ANKRD31: variants seen among roughly 807,000 people sequenced by gnomAD.
The protein encoded by ANKRD31 is ankyrin repeat domain 31, also known as ankyrin repeat domain-containing protein 31.
Under a neutral mutation model 186.0 loss-of-function variants are expected in ANKRD31, and 147 were observed. That is an observed-to-expected ratio of 0.79 (90% CI 0.69 to 0.91). The LOEUF is 0.91. Ranked by LOEUF, ANKRD31 falls within the 40% of genes least tolerant of loss-of-function variation. The probability of loss-of-function intolerance (pLI) is 0.00; values close to 1 mark genes in which losing one functional copy is unlikely to be tolerated. For synonymous variants in ANKRD31, 673 were observed against 736.4 expected, an observed-to-expected ratio of 0.91 and a Z score of 1.39; for missense variants, 1,986 against 2,148.8, an observed-to-expected ratio of 0.92 and a Z score of 1.50.
At chr5:75,095,830 T>C (rs1380698034) in intron 22 of ANKRD31, among the ~76,000 whole-genome samples, 1 of 152,164 alleles carries the variant, frequency 6.6e-6, no homozygotes, top group Non-Finnish European at 1.5e-5. Context: ...AAAAACAGTA[T>C]ATACAGGGTT....
At chr5:75,137,699 A>G (rs962328298) in intron 17 of ANKRD31, among the ~76,000 whole-genome samples, 157 bp downstream of exon 17, 6 of 152,164 alleles carry the variant, frequency 3.9e-5, no homozygotes, top group African/African-American at 1.4e-4. Flanking sequence ...TTTCTAATCC[A>G]TATATATTAT....
intron 25 of ANKRD31, 68 bp downstream of exon 25, chr5:75,080,500 T>C (rs1326160587): frequency 3.7e-6 from 4 of 1,086,914 alleles, no homozygotes; most frequent in Non-Finnish European, 5.2e-6. Context: ...TTTGATCTAT[T>C]TGCACAATAT....
chr5:75,085,252 A>G (rs1296727926), intron 23 of ANKRD31, among the ~76,000 whole-genome samples: 1 of 152,210 alleles, frequency 6.6e-6, no homozygotes, highest in Non-Finnish European at 1.5e-5. Context: ...TGTTTCTATT[A>G]AACCATAAGC....
chr5:75,068,962 G>A (rs1462596943), intron 25 of ANKRD31, among the ~76,000 whole-genome samples: 1 of 152,084 alleles, frequency 6.6e-6, no homozygotes, highest in Non-Finnish European at 1.5e-5. Flanking sequence ...TCCAATAAAC[G>A]GAGAATAAAA....
At chr5:75,112,135 G>A (rs1747837812) in intron 20 of ANKRD31, among the ~76,000 whole-genome samples, 1 of 151,944 alleles carries the variant, frequency 6.6e-6, no homozygotes. Context: ...CTGTCACCCA[G>A]GCTAGAGTGC....
intron 23 of ANKRD31, among the ~76,000 whole-genome samples, chr5:75,088,322 G>C (rs900216934): frequency 1.3e-5 from 2 of 152,218 alleles, no homozygotes; most frequent in Admixed American, 6.5e-5. Context: ...TGGAAATTCA[G>C]GGAGGCATCC....
intron 24 of ANKRD31, among the ~76,000 whole-genome samples, chr5:75,081,700 C>A (rs868537059): frequency 7.3e-6 from 1 of 137,006 alleles, no homozygotes; most frequent in Non-Finnish European, 1.6e-5. Flanking sequence ...GAGAGAGAGA[C>A]AGAGAGAGAG....
At chr5:75,207,560 G>A (rs1057097673) in intron 4 of ANKRD31, among the ~76,000 whole-genome samples, 5 of 151,846 alleles carry the variant, frequency 3.3e-5, no homozygotes, top group African/African-American at 1.2e-4. Context: ...AATACAATAA[G>A]GTATTATAAG....
At chr5:75,155,647 A>G (rs1752115821) in intron 11 of ANKRD31, among the ~76,000 whole-genome samples, 1 of 152,174 alleles carries the variant, frequency 6.6e-6, no homozygotes, top group Non-Finnish European at 1.5e-5. Flanking sequence ...GCTTTAAGTA[A>G]CATTATACTA....
rs150522784 is a variant in ANKRD31 at position 75,226,579 on chromosome 5, TA to T, written c.178+3982del. On this transcript the variant is annotated intron_variant, in intron 2 of 25. Transcript: ENST00000506364. The stretch of plus-strand genomic sequence containing the variant: ...GAACAACTTTATAGGAAAAAAAATA[TA>T]ATAATCAGATTTTAAAATGGGCAAA... Among the ~76,000 whole-genome samples, 367 of 152,238 alleles carry T rather than the reference TA, an allele frequency of 2.4e-3. 9 individuals are homozygous for T. In the East Asian group the frequency reaches 0.062, roughly 26 times the overall value.
chr5:75,081,728 G>A (rs1458402903), intron 24 of ANKRD31, among the ~76,000 whole-genome samples: 1 of 151,748 alleles, frequency 6.6e-6, no homozygotes, highest in Non-Finnish European at 1.5e-5. Context: ...CAGAGAGAGA[G>A]AGAGAGAGAA....
At position 75,112,584 on chromosome 5, in the gene ANKRD31, G is replaced by A. The variant is rs866251112; in HGVS notation, c.4172C>T (p.Ala1391Val). ...ESLSVHQTLS[A>V]ILQDIEEKQE... The stretch of plus-strand genomic sequence containing the variant: ...TTTTTCTTCTATATCTTGTAGAATG[G>A]CACTGAGGGTCTGATGCTATCAGAT... The change falls in exon 20 of 26, where the codon GCC (alanine) becomes GTC (valine). Residue 1391 changes from alanine to valine, a missense_variant. Coordinates refer to ENST00000506364, the MANE Select transcript of ANKRD31 (RefSeq NM_001372053.1). 2.0e-6 allele frequency: 3 copies of A among 1,521,402 alleles called. No individual in the cohort carries two copies. The highest frequency in any genetic ancestry group is 1.9e-4 in the Middle Eastern group (1 of 5,254). 94.2% of individuals were successfully genotyped at this position (1,521,402 alleles called of 1,614,324 possible). A position where few individuals can be genotyped will look rare whatever the true frequency, so the allele number is the denominator to read the frequency against.
At chr5:75,197,644 A>T (rs1235235143) in intron 6 of ANKRD31, among the ~76,000 whole-genome samples, 1 of 152,016 alleles carries the variant, frequency 6.6e-6, no homozygotes, top group East Asian at 1.9e-4. Flanking sequence ...GATCCTACTC[A>T]CTCTCTAAGT....
intron 17 of ANKRD31, among the ~76,000 whole-genome samples, chr5:75,123,149 A>T (rs1467757030): frequency 6.6e-6 from 1 of 152,144 alleles, no homozygotes; most frequent in Admixed American, 6.6e-5. Context: ...TCTATACACC[A>T]ATAATAATCC....
intron 2 of ANKRD31, 50 bp from the exon 3 acceptor site, chr5:75,222,408 C>G (rs1477195049): frequency 7.6e-7 from 1 of 1,315,208 alleles, no homozygotes; most frequent in Admixed American, 2.2e-5. Context: ...TATTGCTCTG[C>G]TTTGATAATG....
At chr5:75,156,650 G>A (rs1196086251) in intron 11 of ANKRD31, among the ~76,000 whole-genome samples, 1 of 152,146 alleles carries the variant, frequency 6.6e-6, no homozygotes, top group Non-Finnish European at 1.5e-5. Context: ...ACCATCACAA[G>A]CATCCTTAAG....
In ANKRD31 at chr5:75,104,324, G is replaced by A. The variant is rs1035129855; in HGVS notation, c.5235C>T (p.Tyr1745=). Residue 1745 remains tyrosine (Y), a synonymous_variant, in exon 22 of 26, where the codon TAC becomes TAT. Transcript: ENST00000506364. ...TACATTTCTTTTTAGGAGCTGTACTGTAGTTTAAAGCCTTTTTTATTGTAT... is the reference window on the plus strand; with the variant it reads ...TACATTTCTTTTTAGGAGCTGTACTATAGTTTAAAGCCTTTTTTATTGTAT... ...QQDTIKKALN[Y]STAPKKKCIQ... is the part of the protein sequence containing the mutation. 6 of 1,537,018 alleles carry A rather than the reference G, an allele frequency of 3.9e-6. No homozygotes were observed. In the African/African-American group the frequency reaches 4.1e-5, roughly 11 times the overall value.
At chr5:75,222,747 C>T (rs1460220499) in intron 2 of ANKRD31, among the ~76,000 whole-genome samples, 5 of 152,198 alleles carry the variant, frequency 3.3e-5, no homozygotes, top group African/African-American at 1.2e-4. Context: ...TGATGGCTTC[C>T]AGCTTCATCC....
intron 5 of ANKRD31, among the ~76,000 whole-genome samples, chr5:75,205,206 T>C (rs1032958181): frequency 6.6e-6 from 1 of 152,222 alleles, no homozygotes; most frequent in African/African-American, 2.4e-5. Flanking sequence ...TCTTTTTGTA[T>C]TGAGACAATC....
Sources: gnomAD v4.1 joint callset for allele counts (sites outside exome capture counted in the v4.1 genomes callset) on GRCh38, gnomAD v4.1.1 for gene constraint, MANE v1.5 for transcripts, NCBI Gene and HGNC (gene_info 2026-07-23, HGNC 2026-07-21) for gene names.